The following HS6ST3 variants were observed in gnomAD, a reference collection of about 807,000 sequenced individuals.
The protein encoded by HS6ST3 is heparan-sulfate 6-O-sulfotransferase 3.
A neutral mutation model predicts 36.7 loss-of-function variants in HS6ST3; 12 were observed. That is an observed-to-expected ratio of 0.33 (90% confidence interval 0.21 to 0.53). The LOEUF (loss-of-function observed/expected upper bound fraction) is 0.53, where lower values mean the gene tolerates loss of function less well. HS6ST3 is among the 20% of genes least tolerant of loss of function. The pLI, the probability that HS6ST3 is intolerant of heterozygous loss-of-function variation, is 0.95. For missense variants in HS6ST3, 584 were observed against 640.9 expected, an observed-to-expected ratio of 0.91 and a Z score of 0.96; for synonymous variants, 240 against 257.5, an observed-to-expected ratio of 0.93 and a Z score of 0.65.
chr13:96,626,642 A>G (rs1387082155), intron 1 of HS6ST3, among the ~76,000 whole-genome samples: 1 of 152,136 alleles, frequency 6.6e-6, no homozygotes, highest in Non-Finnish European at 1.5e-5. Flanking sequence ...TGTCTGTAGA[A>G]AAATTTGGGA....
At chr13:96,484,277 T>TCTCCTTCCTTCCTTC in intron 1 of HS6ST3, among the ~76,000 whole-genome samples, 1 of 152,116 alleles carries the variant, frequency 6.6e-6, no homozygotes, top group African/African-American at 2.4e-5. Context: ...GTCACCTTAC[T>TCTCCTTCCTTCCTTC]CTCCTTCCTT....
chr13:96,638,844 C>A (rs762372131), intron 1 of HS6ST3, among the ~76,000 whole-genome samples: 1 of 151,580 alleles, frequency 6.6e-6, no homozygotes, highest in Non-Finnish European at 1.5e-5. Flanking sequence ...TCACACTATA[C>A]TATAGAGTAC....
At chr13:96,767,314 G>A (rs1053115540) in intron 1 of HS6ST3, among the ~76,000 whole-genome samples, 11 of 152,226 alleles carry the variant, frequency 7.2e-5, no homozygotes, top group South Asian at 2.1e-4. Context: ...GCACATATGT[G>A]TACATACACC....
intron 1 of HS6ST3, among the ~76,000 whole-genome samples, chr13:96,432,664 T>C (rs1270886871): frequency 1.2e-4 from 19 of 152,202 alleles, no homozygotes; most frequent in Non-Finnish European, 2.6e-4. Flanking sequence ...GTTGACACCT[T>C]CTTATACTAA....
At chr13:96,518,046 G>T (rs1004754022) in intron 1 of HS6ST3, among the ~76,000 whole-genome samples, 1 of 152,110 alleles carries the variant, frequency 6.6e-6, no homozygotes, top group East Asian at 1.9e-4. Context: ...GAATGGGATT[G>T]TGTCTTTTGC....
At chr13:96,603,438 T>G (rs2138983756) in intron 1 of HS6ST3, among the ~76,000 whole-genome samples, 1 of 152,374 alleles carries the variant, frequency 6.6e-6, no homozygotes, top group South Asian at 2.1e-4. Context: ...TATTATACCA[T>G]TGTATAAATA....
intron 1 of HS6ST3, among the ~76,000 whole-genome samples, chr13:96,808,136 A>G (rs530013932): frequency 6.6e-5 from 10 of 152,344 alleles, no homozygotes; most frequent in Admixed American, 4.6e-4. Context: ...CCACTGCCAT[A>G]CAGAGGAGCC....
chr13:96,205,737 C>T (rs1200450680), intron 1 of HS6ST3, among the ~76,000 whole-genome samples: 4 of 151,674 alleles, frequency 2.6e-5, no homozygotes, highest in Non-Finnish European at 5.9e-5. Context: ...ACATGATTAT[C>T]CCAATAGATT....
At chr13:96,102,445 G>A (rs2053822770) in intron 1 of HS6ST3, among the ~76,000 whole-genome samples, 1 of 152,060 alleles carries the variant, frequency 6.6e-6, no homozygotes, top group South Asian at 2.1e-4. Context: ...TCGGGCCACT[G>A]CACTCCAGCC....
chr13:96,429,181 G>A (rs944255119), intron 1 of HS6ST3, among the ~76,000 whole-genome samples: 15 of 152,252 alleles, frequency 9.9e-5, no homozygotes, highest in African/African-American at 2.9e-4. Flanking sequence ...CAGCTGTTTC[G>A]AAACTTTACA....
Position 96,425,895 on chromosome 13 carries a change from T to A in HS6ST3, c.707+334326T>A, listed in dbSNP as rs188330847. ...GCTTTTCCCTATAGGTAGGTGAATT[T>A]CTTTCATTTATTGCACAAGCCCTTA... On this transcript the variant is annotated intron_variant, in intron 1 of 1. Transcript: ENST00000376705. Among the ~76,000 whole-genome samples the A allele has an allele frequency of 9.2e-5, 14 of 152,090 alleles. No individual in the cohort carries two copies. In the East Asian group the frequency reaches 2.3e-3, roughly 25 times the overall value.
chr13:96,621,806 G>T (rs988504811), intron 1 of HS6ST3, among the ~76,000 whole-genome samples: 1 of 152,162 alleles, frequency 6.6e-6, no homozygotes, highest in African/African-American at 2.4e-5. Context: ...CACCAGAAAT[G>T]AATTTTTACT....
intron 1 of HS6ST3, among the ~76,000 whole-genome samples, chr13:96,734,852 C>T (rs771356327): frequency 6.6e-6 from 1 of 152,170 alleles, no homozygotes; most frequent in Non-Finnish European, 1.5e-5. Flanking sequence ...CCTTCATTCA[C>T]ACCCACCAGT....
intron 1 of HS6ST3, among the ~76,000 whole-genome samples, chr13:96,285,803 G>C (rs2054798947): frequency 6.6e-6 from 1 of 152,050 alleles, no homozygotes; most frequent in Non-Finnish European, 1.5e-5. Flanking sequence ...TTCAAGCATG[G>C]ATAGATCCAG....
chr13:96,394,242 A>ACTGC, intron 1 of HS6ST3, among the ~76,000 whole-genome samples: 1 of 151,264 alleles, frequency 6.6e-6, no homozygotes, highest in South Asian at 2.1e-4. Context: ...TGTGGCCCTT[A>ACTGC]CTGCCTACTG....
chr13:96,379,903 CT>C (rs74852261), intron 1 of HS6ST3, among the ~76,000 whole-genome samples: 6 of 152,016 alleles, frequency 3.9e-5, no homozygotes, highest in African/African-American at 1.4e-4. Flanking sequence ...GATGAGCACT[CT>C]TTTTTTCAGA....
At chr13:96,157,988 G>A (rs2054118107) in intron 1 of HS6ST3, among the ~76,000 whole-genome samples, 1 of 152,218 alleles carries the variant, frequency 6.6e-6, no homozygotes, top group African/African-American at 2.4e-5. Context: ...TACCGTGGGT[G>A]CCGGGATGGT....
intron 1 of HS6ST3, among the ~76,000 whole-genome samples, chr13:96,547,400 T>C (rs1255230014): frequency 6.6e-6 from 1 of 152,218 alleles, no homozygotes; most frequent in Non-Finnish European, 1.5e-5. Flanking sequence ...CCTTATTCAC[T>C]AAATGATGCT....
chr13:96,521,745 C>A (rs1160510039), intron 1 of HS6ST3, among the ~76,000 whole-genome samples: 1 of 151,898 alleles, frequency 6.6e-6, no homozygotes, highest in Non-Finnish European at 1.5e-5. Context: ...TCTCTCTTTT[C>A]TTCTTTATTA....
Sources: allele counts gnomAD v4.1 joint callset (sites outside exome capture counted in the v4.1 genomes callset), GRCh38; gene constraint gnomAD v4.1.1; transcripts MANE v1.5; gene names NCBI Gene and HGNC (gene_info 2026-07-23, HGNC 2026-07-21).